GTF2IRD1: variants seen among roughly 807,000 people sequenced by gnomAD.
GTF2IRD1 encodes the protein GTF2I repeat domain containing 1.
A neutral mutation model predicts 113.2 loss-of-function variants in GTF2IRD1; 26 were observed. That is an observed-to-expected ratio of 0.23 (90% confidence interval 0.17 to 0.32). The LOEUF (loss-of-function observed/expected upper bound fraction) is 0.32, where lower values mean the gene tolerates loss of function less well. Ranked by LOEUF, GTF2IRD1 falls within the 10% of genes least tolerant of loss-of-function variation. The pLI is 1.00. For missense variants in GTF2IRD1, 864 were observed against 1,280.8 expected (o/e 0.67, Z 4.97); for synonymous variants, 484 against 529.1 (o/e 0.91, Z 1.17).
intron 22 of GTF2IRD1, among the ~76,000 whole-genome samples, chr7:74,564,746 AAAAG>A (rs1375228771): frequency 7.1e-6 from 1 of 140,776 alleles, no homozygotes; most frequent in Non-Finnish European, 1.6e-5. Flanking sequence ...TTGTCTCTAA[AAAAG>A]AGAGAGAGAG....
chr7:74,481,449 A>G (rs1482659064), intron 1 of GTF2IRD1, among the ~76,000 whole-genome samples: 1 of 152,116 alleles, frequency 6.6e-6, no homozygotes, highest in African/African-American at 2.4e-5. Flanking sequence ...GTGAGCCACC[A>G]CGCCCAGCCT....
chr7:74,586,791 C>A lies in GTF2IRD1; in HGVS notation c.2321-3060C>A, dbSNP rs139710950. Among the ~76,000 whole-genome samples the A allele has an allele frequency of 1.0e-3, 159 of 152,292 alleles. 1 individual carries two copies. Among genetic ancestry groups the A allele is most frequent in the Non-Finnish European group, 2.1e-3 (140 of 68,026 alleles). On this transcript the variant is annotated intron_variant, in intron 22 of 26. Transcript: ENST00000424337. ...ACTCTAAGCAGCACAGAGCACCACG[C>A]CAGGAGATGCAGTTCCCAAGGCAGC... is the stretch of plus-strand genomic sequence containing the variant.
intron 9 of GTF2IRD1, among the ~76,000 whole-genome samples, chr7:74,532,365 G>A (rs2130483159): frequency 6.6e-6 from 1 of 152,268 alleles, no homozygotes; most frequent in East Asian, 1.9e-4. Context: ...ACCAACCTGG[G>A]CAATATAGTG....
chr7:74,459,923 G>T (rs1464877204), intron 1 of GTF2IRD1, among the ~76,000 whole-genome samples: 2 of 152,012 alleles, frequency 1.3e-5, no homozygotes, highest in Non-Finnish European at 2.9e-5. Flanking sequence ...CCCCGGGGAT[G>T]ATCTGGAGCG....
At chr7:74,469,676 A>G (rs898712195) in intron 1 of GTF2IRD1, among the ~76,000 whole-genome samples, 14 of 152,134 alleles carry the variant, frequency 9.2e-5, no homozygotes, top group Admixed American at 8.5e-4. Context: ...TTCATCAGTT[A>G]TGGACATATG....
chr7:74,578,536 C>A (rs1367877997), intron 22 of GTF2IRD1, among the ~76,000 whole-genome samples: 2 of 152,196 alleles, frequency 1.3e-5, no homozygotes, highest in Non-Finnish European at 2.9e-5. Flanking sequence ...TTGCTGTTTT[C>A]CACTTAGCTT....
At chr7:74,576,727 T>C (rs1801095905) in intron 22 of GTF2IRD1, among the ~76,000 whole-genome samples, 2 of 137,190 alleles carry the variant, frequency 1.5e-5, no homozygotes, top group South Asian at 5.2e-4. Flanking sequence ...TTCAAGCAAT[T>C]CTCCTGCCTC....
At chr7:74,535,635 C>T (rs915303638) in intron 10 of GTF2IRD1, among the ~76,000 whole-genome samples, 1 of 152,162 alleles carries the variant, frequency 6.6e-6, no homozygotes, top group South Asian at 2.1e-4. Flanking sequence ...GGGCTCTTCC[C>T]GGGGTAGCAA....
intron 24 of GTF2IRD1, among the ~76,000 whole-genome samples, chr7:74,593,224 A>C (rs1475459752): frequency 6.6e-6 from 1 of 151,898 alleles, no homozygotes; most frequent in Non-Finnish European, 1.5e-5. Context: ...TCAAAATCAA[A>C]AAGTGGAGGT....
intron 22 of GTF2IRD1, among the ~76,000 whole-genome samples, chr7:74,574,523 A>G (rs970779031): frequency 6.7e-6 from 1 of 148,258 alleles, no homozygotes; most frequent in Non-Finnish European, 1.5e-5. Flanking sequence ...CAGTAGCACG[A>G]TCACGGCTCA....
intron 1 of GTF2IRD1, among the ~76,000 whole-genome samples, chr7:74,485,566 G>C (rs559455015): frequency 1.3e-5 from 2 of 151,354 alleles, no homozygotes; most frequent in African/African-American, 2.4e-5. Flanking sequence ...GCAGTGAGCC[G>C]AGATAGTGCC....
intron 16 of GTF2IRD1, among the ~76,000 whole-genome samples, 173 bp downstream of exon 16, chr7:74,545,982 A>G (rs1798902117): frequency 1.3e-5 from 2 of 152,074 alleles, no homozygotes; most frequent in South Asian, 4.1e-4. Context: ...GGATGGGGAC[A>G]CTAGAGAGGC....
At chr7:74,537,275 C>T (rs1399896025) in intron 11 of GTF2IRD1, among the ~76,000 whole-genome samples, 1 of 151,804 alleles carries the variant, frequency 6.6e-6, no homozygotes, top group Non-Finnish European at 1.5e-5. Context: ...TAGCCAGGCG[C>T]AGCGGCGCAT....
intron 1 of GTF2IRD1, among the ~76,000 whole-genome samples, chr7:74,471,378 A>G (rs1428983441): frequency 6.6e-6 from 1 of 151,334 alleles, no homozygotes; most frequent in East Asian, 2.0e-4. Context: ...GTGTGGTGGC[A>G]CACAGCTGTA....
At chr7:74,517,180 C>A (rs1388069991) in intron 4 of GTF2IRD1, among the ~76,000 whole-genome samples, 3 of 151,888 alleles carry the variant, frequency 2.0e-5, no homozygotes, top group Non-Finnish European at 4.4e-5. Flanking sequence ...CCTGCCACCA[C>A]ACCTGGATAA....
In GTF2IRD1 at chr7:74,487,017, A is replaced by C. The variant is rs555822466; in HGVS notation, c.-6-21058A>C. On this transcript the variant is annotated intron_variant, in intron 1 of 26. Coordinates refer to ENST00000424337, the MANE Select transcript of GTF2IRD1 (RefSeq NM_005685.4). Reference sequence around the variant, plus strand: ...CCAAAAGTTGGACTCAGTGATGTAGATGAGAGAATTACAAGATAACTTTTC... The same window carrying C: ...CCAAAAGTTGGACTCAGTGATGTAGCTGAGAGAATTACAAGATAACTTTTC... Among the ~76,000 whole-genome samples, 3 of 152,274 alleles carry C rather than the reference A, an allele frequency of 2.0e-5. No individual in the cohort carries two copies. In the South Asian group the frequency reaches 6.2e-4, roughly 32 times the overall value.
Position 74,553,609 on chromosome 7 carries a change from G to A in GTF2IRD1, c.1917-1565G>A, listed in dbSNP as rs140164288. ...AGCCTTGAGCACTTTTTAAAGTCACGATGGCTTTCTCCACCTGTCATTTGG... is the reference window on the plus strand; with the variant it reads ...AGCCTTGAGCACTTTTTAAAGTCACAATGGCTTTCTCCACCTGTCATTTGG... On this transcript the variant is annotated intron_variant, in intron 17 of 26. Transcript: ENST00000424337. 7.9e-4 allele frequency among the ~76,000 whole-genome samples: 120 copies of A among 152,296 alleles called. No individual in the cohort carries two copies. In the East Asian group the frequency reaches 0.021, roughly 27 times the overall value.
At chr7:74,539,456 A>G (rs1406050439) in intron 13 of GTF2IRD1, among the ~76,000 whole-genome samples, 1 of 152,044 alleles carries the variant, frequency 6.6e-6, no homozygotes, top group Non-Finnish European at 1.5e-5. Flanking sequence ...TCAAAAAAAA[A>G]GAAATGACTG....
intron 22 of GTF2IRD1, among the ~76,000 whole-genome samples, chr7:74,585,110 GTTT>G (rs781982819): frequency 8.2e-6 from 1 of 121,952 alleles, no homozygotes; most frequent in Admixed American, 8.5e-5. Context: ...CCTGTTTGGT[GTTT>G]TTTTTTTTTT....
Sources: allele counts gnomAD v4.1 joint callset (sites outside exome capture counted in the v4.1 genomes callset), GRCh38; gene constraint gnomAD v4.1.1; transcripts MANE v1.5; gene names NCBI Gene and HGNC (gene_info 2026-07-23, HGNC 2026-07-21).